FN1: variants seen among roughly 807,000 people sequenced by gnomAD.
FN1 encodes the protein fibronectin 1.
FN1 carries 106 observed loss-of-function variants against 297.3 expected under a neutral mutation model. The ratio of observed to expected loss-of-function variants is 0.36; its 90% CI spans 0.30 to 0.42. The LOEUF (loss-of-function observed/expected upper bound fraction) is 0.42, where lower values mean the gene tolerates loss of function less well. FN1 is among the 10% of genes least tolerant of loss of function. FN1 has a pLI of 1.00. For missense variants in FN1, 2,690 were observed against 3,124.9 expected, an observed-to-expected ratio of 0.86 and a Z score of 3.32; for synonymous variants, 1,149 against 1,152.6, an observed-to-expected ratio of 1.00 and a Z score of 0.06.
intron 26 of FN1, 144 bp from the exon 27 acceptor site, chr2:215,388,445 T>C (rs1364860232): frequency 1.4e-6 from 1 of 709,586 alleles, no homozygotes; most frequent in African/African-American, 1.7e-5. Context: ...TACAGCGAAG[T>C]GTTCAGTGAA....
rs532147874 is a variant in FN1, at chr2:215,406,219, G to C, written c.2986+19C>G. 9.3e-6 allele frequency: 15 copies of C among 1,613,080 alleles called. No individual in the cohort carries two copies. The highest frequency in any genetic ancestry group is 5.0e-5 in the Admixed American group (3 of 60,018). On this transcript the variant is annotated intron_variant, in intron 19 of 45. Transcript: ENST00000354785. ...GGGTGGAGAATTTGGAGGGGAGATA[G>C]AGATAGGAGAAGACATACTGGTTGT...
At chr2:215,407,974 A>C in intron 17 of FN1, 134 bp downstream of exon 17, 1 of 684,824 alleles carries the variant, frequency 1.5e-6, no homozygotes, top group Middle Eastern at 4.1e-4. Context: ...ACACACACAC[A>C]CACACAAACC....
chr2:215,377,663 G>C (rs576804930), intron 35 of FN1, among the ~76,000 whole-genome samples: 93 of 152,210 alleles, frequency 6.1e-4, no homozygotes, highest in African/African-American at 2.0e-3. Context: ...CCCAGTCTCC[G>C]GTATTTCTTT....
rs748171758 is a variant in FN1, at chr2:215,384,893, C to T, written c.4696G>A (p.Val1566Met). 6.2e-7 allele frequency: 1 copy of T among 1,613,680 alleles called. No homozygotes were observed. Among genetic ancestry groups the T allele is most frequent in the Non-Finnish European group, 8.5e-7 (1 of 1,179,620 alleles). The change falls in exon 29 of 46, where the codon GTG becomes ATG. Residue 1566 changes from valine to methionine, a missense_variant. This residue lies in a region of FN1 where 1,743 missense variants were observed against 1,945.2 expected (regional missense o/e 0.90). Transcript: ENST00000354785. ...LISWDAPAVTVRYYRITYGET... is the reference protein window; with the variant it reads ...LISWDAPAVTMRYYRITYGET... Reference sequence around the variant, plus strand: ...CCGTAAGTGATCCTGTAATATCTCACTGTGACAGCAGGAGCATCCCAGCTG... The same window carrying T: ...CCGTAAGTGATCCTGTAATATCTCATTGTGACAGCAGGAGCATCCCAGCTG...
Position 215,425,277 on chromosome 2 carries a change from G to C in FN1, c.853C>G (p.Pro285Ala). ...ACAGCTGCACGAACATCGGTGAAGG[G>C]GCCAGATCCTAATGGCATGAAAAGG... ...SVQTTSSGSG[P>A]FTDVRAAVYQ... Residue 285 changes from proline (P) to alanine (A), a missense_variant, in exon 7 of 46, where the codon CCC becomes GCC. By Grantham distance (27) the Pro-to-Ala change is conservative. Transcript: ENST00000354785. The C allele has an allele frequency of 6.2e-7, 1 of 1,614,036 alleles. No individual in the cohort carries two copies. The highest frequency in any genetic ancestry group is 1.3e-5 in the African/African-American group (1 of 75,014).
intron 20 of FN1, 90 bp downstream of exon 20, chr2:215,404,298 TG>T (rs1365464548): frequency 2.1e-5 from 27 of 1,258,880 alleles, no homozygotes; most frequent in South Asian, 9.1e-5. Flanking sequence ...AATTTTTTAA[TG>T]TTTTTTTTGT....
At chr2:215,399,770 C>T (rs1207010920) in intron 20 of FN1, among the ~76,000 whole-genome samples, 1 of 152,148 alleles carries the variant, frequency 6.6e-6, no homozygotes, top group Non-Finnish European at 1.5e-5. Context: ...CAATAAATTT[C>T]CCTATATCGT....
rs2106094386 is a variant in FN1, at chr2:215,393,220, C to G, written c.3797-17G>C. 4 of 1,599,478 alleles carry G rather than the reference C, an allele frequency of 2.5e-6. No individual in the cohort carries two copies. Among genetic ancestry groups the G allele is most frequent in the Non-Finnish European group, 3.4e-6 (4 of 1,172,882 alleles). On this transcript the variant is annotated splice_polypyrimidine_tract_variant and intron_variant, in intron 24 of 45. Coordinates refer to ENST00000354785, the MANE Select transcript of FN1 (RefSeq NM_212482.4). Reference sequence around the variant, plus strand: ...GGGGCACCTCTATTGAGTTACAAAGCAAAGGGAGGGGGAGGCAAAAGGAAA... The same window carrying G: ...GGGGCACCTCTATTGAGTTACAAAGGAAAGGGAGGGGGAGGCAAAAGGAAA...
chr2:215,414,441 T>C (rs1460429607), intron 13 of FN1, among the ~76,000 whole-genome samples: 2 of 152,220 alleles, frequency 1.3e-5, no homozygotes, highest in Non-Finnish European at 2.9e-5. Flanking sequence ...GGCTTTTTTT[T>C]TCAAATTATG....
intron 27 of FN1, among the ~76,000 whole-genome samples, chr2:215,387,792 T>C (rs1393017112): frequency 1.3e-5 from 2 of 152,234 alleles, no homozygotes; most frequent in African/African-American, 4.8e-5. Context: ...ATTTATGAGA[T>C]TCAATTCAAC....
At chr2:215,368,523 C>A (rs2055143686) in intron 41 of FN1, among the ~76,000 whole-genome samples, 1 of 152,178 alleles carries the variant, frequency 6.6e-6, no homozygotes. Context: ...AAAACATTGA[C>A]CCTTTTCCAA....
chr2:215,390,911 A>T (rs979334801), intron 26 of FN1, among the ~76,000 whole-genome samples: 1 of 152,216 alleles, frequency 6.6e-6, no homozygotes, highest in Non-Finnish European at 1.5e-5. Flanking sequence ...CTGTTGTTAT[A>T]TATTTGACTA....
In FN1 at chr2:215,419,319, T is replaced by C. The variant is rs370431922; in HGVS notation, c.1742A>G (p.His581Arg). The change falls in exon 12 of 46, where the codon CAT becomes CGT. Residue 581 changes from histidine (H) to arginine (R), a missense_variant. Around this residue, in one of 3 missense-constraint regions of FN1, gnomAD observed 876 missense variants for 1,058.1 expected, o/e 0.83. Coordinates refer to ENST00000354785, the MANE Select transcript of FN1 (RefSeq NM_212482.4). ...QIGDSWEKYV[H>R]GVRYQCYCYG... The stretch of plus-strand genomic sequence containing the variant: ...GCAGTAGCACTGGTATCTGACACCA[T>C]GCACATACTTCTCCCATGAATCTCC... 3 of 1,612,558 alleles carry C rather than the reference T, an allele frequency of 1.9e-6. No individual in the cohort carries two copies. Among genetic ancestry groups the C allele is most frequent in the African/African-American group, 1.3e-5 (1 of 74,900 alleles).
intron 20 of FN1, among the ~76,000 whole-genome samples, chr2:215,401,258 GAAAGGAA>G (rs1262524368): frequency 2.0e-5 from 1 of 48,898 alleles, no homozygotes; most frequent in Non-Finnish European, 3.8e-5. Context: ...AAGGAAGAAA[GAAAGGAA>G]GGAAAGGAAA....
intron 13 of FN1, among the ~76,000 whole-genome samples, chr2:215,410,787 G>A (rs924103800): frequency 6.6e-6 from 1 of 152,154 alleles, no homozygotes; most frequent in African/African-American, 2.4e-5. Context: ...GATTACAAGC[G>A]TGAGCCACCA....
intron 39 of FN1, 107 bp downstream of exon 39, chr2:215,373,215 C>G (rs2056585013): frequency 1.2e-6 from 1 of 867,910 alleles, no homozygotes. Flanking sequence ...TAAAAAAAAT[C>G]ACAAGAAATG....
intron 26 of FN1, among the ~76,000 whole-genome samples, chr2:215,389,862 A>G (rs942450950): frequency 2.6e-5 from 4 of 152,224 alleles, no homozygotes; most frequent in African/African-American, 9.6e-5. Context: ...GCTATAAGCT[A>G]TGTGGTCTAG....
At position 215,405,750 on chromosome 2, in the gene FN1, T is replaced by A. The variant is rs577230538; in HGVS notation, c.2986+488A>T. 4.0e-5 allele frequency among the ~76,000 whole-genome samples: 6 copies of A among 151,858 alleles called. No individual in the cohort carries two copies. The East Asian group carries it at 9.7e-4, about 25-fold the overall frequency. ...AGAGCGAGACTCCATCTCAAAAAAA[T>A]AAATAAATAAAATAATAATAATAAG... On this transcript the variant is annotated intron_variant, in intron 19 of 45. Transcript: ENST00000354785.
At position 215,397,196 on chromosome 2, in the gene FN1, A is replaced by T; in HGVS notation, c.3545T>A (p.Leu1182Gln). The change falls in exon 23 of 46, where the codon CTG becomes CAG. Residue 1182 changes from leucine to glutamine, a missense_variant. Leu to Gln is a moderately radical substitution (Grantham distance 113, BLOSUM62 -2). Around this residue, in one of 3 missense-constraint regions of FN1, gnomAD observed 1,743 missense variants for 1,945.2 expected, o/e 0.90. Transcript: ENST00000354785. Reference protein sequence around the residue: ...TPLSPPTNLHLEANPDTGVLT... With the variant: ...TPLSPPTNLHQEANPDTGVLT... ...CACTCCAGTGTCAGGGTTTGCCTCC[A>T]GATGCAAGTTTGTTGGTGGAGACAA... 6.2e-7 allele frequency: 1 copy of T among 1,613,948 alleles called. No homozygotes were observed. Among genetic ancestry groups the T allele is most frequent in the East Asian group, 2.2e-5 (1 of 44,884 alleles).
Sources: allele counts gnomAD v4.1 joint callset (sites outside exome capture counted in the v4.1 genomes callset), GRCh38; gene constraint gnomAD v4.1.1; regional missense constraint gnomAD v4.1.1; transcripts MANE v1.5; gene names NCBI Gene and HGNC (gene_info 2026-07-23, HGNC 2026-07-21).